TDRD7: variants seen among roughly 807,000 people sequenced by gnomAD.
TDRD7 encodes the protein tudor domain-containing protein 7.
In TDRD7, 47 loss-of-function variants were observed where a neutral mutation model predicts 109.8. That is an observed-to-expected ratio of 0.43 (90% CI 0.34 to 0.55). The LOEUF (loss-of-function observed/expected upper bound fraction) is 0.55, where lower values mean the gene tolerates loss of function less well. Among genes scored for constraint, TDRD7 ranks in the 20% least tolerant of loss-of-function variants. TDRD7 has a pLI of 0.03. For missense variants in TDRD7, 1,164 were observed against 1,319.2 expected, an observed-to-expected ratio of 0.88 and a Z score of 1.82; for synonymous variants, 424 against 457.3, an observed-to-expected ratio of 0.93 and a Z score of 0.93.
At chr9:97,464,255 T>C (rs1220775074) in intron 7 of TDRD7, among the ~76,000 whole-genome samples, 1 of 152,218 alleles carries the variant, frequency 6.6e-6, no homozygotes, top group African/African-American at 2.4e-5. Context: ...CTTCCTGTTA[T>C]GCCCTCTCGT....
chr9:97,432,226 C>A lies in TDRD7; in HGVS notation c.551C>A (p.Ser184Tyr). The A allele has an allele frequency of 6.8e-6, 11 of 1,613,616 alleles. No individual in the cohort carries two copies. Among genetic ancestry groups the A allele is most frequent in the Non-Finnish European group, 9.3e-6 (11 of 1,179,658 alleles). Residue 184 changes from serine (S) to tyrosine (Y), a missense_variant, in exon 4 of 17, where the codon TCC becomes TAC. Transcript: ENST00000355295. ...DIPVQRHVTM[S>Y]TNNRFSPKAS... Reference sequence around the variant, plus strand: ...CCAGTGCAAAGGCATGTGACCATGTCCACCAACAACAGGTATTTGGCCTCT... The same window carrying A: ...CCAGTGCAAAGGCATGTGACCATGTACACCAACAACAGGTATTTGGCCTCT...
Position 97,480,909 on chromosome 9 carries a change from G to C in TDRD7, c.2383G>C (p.Val795Leu). ...PDAVLWLRDS[V>L]LNCSDCSIKV... Reference sequence around the variant, plus strand: ...TGCAGTGCTGTGGTTAAGAGATTCTGTTTTGAATTGCTCGGACTGTAGCAT... The same window carrying C: ...TGCAGTGCTGTGGTTAAGAGATTCTCTTTTGAATTGCTCGGACTGTAGCAT... Residue 795 changes from valine to leucine, a missense_variant, in exon 14 of 17, where the codon GTT becomes CTT. Transcript: ENST00000355295. 1 of 1,614,100 alleles carries C rather than the reference G, an allele frequency of 6.2e-7. No homozygotes were observed. Among genetic ancestry groups the C allele is most frequent in the Non-Finnish European group, 8.5e-7 (1 of 1,179,956 alleles).
chr9:97,480,771 T>A, intron 13 of TDRD7, 57 bp from the exon 14 acceptor site: 1 of 1,337,098 alleles, frequency 7.5e-7, no homozygotes, highest in Non-Finnish European at 1.1e-6. Flanking sequence ...TTAACATTAC[T>A]CATAACTAGG....
At chr9:97,466,971 G>C (rs1031478742) in intron 8 of TDRD7, among the ~76,000 whole-genome samples, 4 of 152,152 alleles carry the variant, frequency 2.6e-5, no homozygotes, top group African/African-American at 9.7e-5. Flanking sequence ...TTGAAACCTG[G>C]AAGAAGCTAA....
At chr9:97,451,495 C>T (rs1348011591) in intron 6 of TDRD7, among the ~76,000 whole-genome samples, 1 of 152,056 alleles carries the variant, frequency 6.6e-6, no homozygotes, top group Non-Finnish European at 1.5e-5. Context: ...ACTATGTTGC[C>T]CCGGCTGGTC....
intron 7 of TDRD7, among the ~76,000 whole-genome samples, chr9:97,462,966 A>G (rs1014452214): frequency 6.6e-6 from 1 of 152,240 alleles, no homozygotes; most frequent in Admixed American, 6.5e-5. Flanking sequence ...TTGAGCACCC[A>G]GGGCTACATA....
chr9:97,480,579 C>T (rs540832483), intron 13 of TDRD7: 71 of 473,216 alleles, frequency 1.5e-4, no homozygotes, highest in South Asian at 1.1e-3. Flanking sequence ...AAGTATTGTA[C>T]GGTGGGAAGT....
Position 97,478,428 on chromosome 9 carries a change from T to C in TDRD7, c.2167-11T>C, listed in dbSNP as rs368383634. 3.2e-5 allele frequency: 52 copies of C among 1,613,992 alleles called. No individual in the cohort carries two copies. Among genetic ancestry groups the C allele is most frequent in the Non-Finnish European group, 4.2e-5 (49 of 1,179,926 alleles). ...ATGCTAATAAATGAGCCAACACTTA[T>C]CTCATTTCAGATCACAAATGTTCAC... On this transcript the variant is annotated splice_polypyrimidine_tract_variant and intron_variant, in intron 12 of 16. Coordinates refer to ENST00000355295, the MANE Select transcript of TDRD7 (RefSeq NM_014290.3).
chr9:97,416,668 T>G (rs1401359013), intron 1 of TDRD7, among the ~76,000 whole-genome samples: 1 of 152,216 alleles, frequency 6.6e-6, no homozygotes, highest in Non-Finnish European at 1.5e-5. Context: ...TCATTCAGTT[T>G]ATAAGAATTG....
Position 97,460,187 on chromosome 9 carries a change from C to G in TDRD7, c.865C>G (p.Pro289Ala), listed in dbSNP as rs1164181417. 1.2e-6 allele frequency: 2 copies of G among 1,613,954 alleles called. No homozygotes were observed. The highest frequency in any genetic ancestry group is 1.7e-6 in the Non-Finnish European group (2 of 1,179,990). Residue 289 changes from proline to alanine, a missense_variant, in exon 7 of 17, where the codon CCT becomes GCT. By Grantham distance (27) the Pro-to-Ala change is conservative (BLOSUM62 -1). This residue lies in a region of TDRD7 where 407 missense variants were observed against 394.0 expected (regional missense o/e 1.03). Transcript: ENST00000355295. ...TATTTAAAAATTTCAGGTGGAGAAACCTTGCAGTGGTGGCCAAGATTTACT... is the reference window on the plus strand; with the variant it reads ...TATTTAAAAATTTCAGGTGGAGAAAGCTTGCAGTGGTGGCCAAGATTTACT... Reference protein sequence around the residue: ...HWPHICTVEKPCSGGQDLLLY... With the variant: ...HWPHICTVEKACSGGQDLLLY...
In TDRD7 at chr9:97,496,078, T is replaced by C; in HGVS notation, c.*195T>C. The C allele has an allele frequency of 1.8e-6, 1 of 561,958 alleles. No individual in the cohort carries two copies. Among genetic ancestry groups the C allele is most frequent in the Non-Finnish European group, 3.2e-6 (1 of 316,780 alleles). The allele number at this position is 561,958 out of a possible 1,614,324, so 34.8% of individuals were successfully genotyped here. On this transcript the variant is annotated 3_prime_UTR_variant, in exon 17 of 17. Transcript: ENST00000355295. ...GTTGACTTTTCAAAGAAAATTGTAC[T>C]TGAATTATTACTATAATATTAGAAT... is the stretch of plus-strand genomic sequence containing the variant.
At chr9:97,431,115 C>T (rs112173357) in intron 3 of TDRD7, 41 bp downstream of exon 3, 142 of 1,610,852 alleles carry the variant, frequency 8.8e-5, no homozygotes, top group African/African-American at 3.3e-4. Context: ...GGGCTGTCTA[C>T]GAATACATTA....
chr9:97,483,897 A>G (rs1829167535), intron 15 of TDRD7, among the ~76,000 whole-genome samples: 1 of 152,204 alleles, frequency 6.6e-6, no homozygotes, highest in Admixed American at 6.5e-5. Context: ...AGGAACCTTT[A>G]TAATGGCTAT....
chr9:97,441,185 C>A (rs1196265440), intron 5 of TDRD7, among the ~76,000 whole-genome samples: 1 of 152,074 alleles, frequency 6.6e-6, no homozygotes, highest in African/African-American at 2.4e-5. Flanking sequence ...CAAACTCAGG[C>A]AATTTTTTAT....
At chr9:97,464,349 G>A (rs7020902) in intron 7 of TDRD7, among the ~76,000 whole-genome samples, 81,557 of 151,970 alleles carry the variant, frequency 0.54, 22,114 homozygotes, top group African/African-American at 0.61. Context: ...GTTTTGTGCA[G>A]TCTCCATTGT....
At chr9:97,452,847 C>T (rs1282408184) in intron 6 of TDRD7, among the ~76,000 whole-genome samples, 1 of 152,210 alleles carries the variant, frequency 6.6e-6, no homozygotes, top group Non-Finnish European at 1.5e-5. Flanking sequence ...TCAGTTAAGA[C>T]AGCAGTTCCT....
At chr9:97,423,343 G>T (rs977855796) in intron 1 of TDRD7, among the ~76,000 whole-genome samples, 1 of 150,132 alleles carries the variant, frequency 6.7e-6, no homozygotes, top group Admixed American at 6.6e-5. Flanking sequence ...TTTAATGTCT[G>T]TAGGATCTGT....
chr9:97,442,068 C>T (rs1049144070), intron 6 of TDRD7, among the ~76,000 whole-genome samples, 193 bp downstream of exon 6: 3 of 152,122 alleles, frequency 2.0e-5, no homozygotes, highest in African/African-American at 7.2e-5. Flanking sequence ...TGAAGGTTCT[C>T]CTGTGTTGTA....
intron 1 of TDRD7, among the ~76,000 whole-genome samples, chr9:97,423,563 C>G (rs2118245772): frequency 6.6e-6 from 1 of 151,368 alleles, no homozygotes; most frequent in Non-Finnish European, 1.5e-5. Context: ...CTTTCTTCTG[C>G]TTACTTTTGA....
Sources: allele counts gnomAD v4.1 joint callset (sites outside exome capture counted in the v4.1 genomes callset), GRCh38; gene constraint gnomAD v4.1.1; regional missense constraint gnomAD v4.1.1; transcripts MANE v1.5; gene names NCBI Gene and HGNC (gene_info 2026-07-23, HGNC 2026-07-21).